Variants in SRPX observed in about 807,000 individuals in gnomAD.
SRPX encodes the protein sushi repeat containing protein X-linked, also known as sushi repeat-containing protein SRPX.
In SRPX, 24 loss-of-function variants were observed where a neutral mutation model predicts 38.1. The observed-to-expected ratio is 0.63, with a 90% CI of 0.46 to 0.89. The LOEUF is 0.89. SRPX is among the 40% of genes least tolerant of loss of function. The pLI is 0.00. For synonymous variants in SRPX, 184 were observed against 153.8 expected (o/e 1.20, Z -1.45); for missense variants, 416 against 377.8 (o/e 1.10, Z -0.84).
intron 4 of SRPX, among the ~76,000 whole-genome samples, chrX:38,171,006 G>T (rs1361978978): frequency 3.8e-5 from 4 of 104,547 alleles, no homozygotes; most frequent in Admixed American, 1.0e-4. Context: ...AAAATCCAAG[G>T]ATGCTGCTAA....
chrX:38,164,136 T>C (rs1464186975), intron 5 of SRPX, among the ~76,000 whole-genome samples: 3 of 79,545 alleles, frequency 3.8e-5, no homozygotes, highest in Non-Finnish European at 7.7e-5. Flanking sequence ...ATGGGGTACA[T>C]GAGATTTTTT....
intron 1 of SRPX, among the ~76,000 whole-genome samples, chrX:38,211,570 C>A (rs181432205): frequency 1.8e-5 from 2 of 110,857 alleles, no homozygotes; most frequent in Non-Finnish European, 1.9e-5. Flanking sequence ...TGTGGTGGTA[C>A]GCGCCTGTAA....
At chrX:38,165,449 T>C (rs892759151) in intron 4 of SRPX, among the ~76,000 whole-genome samples, 2 of 111,864 alleles carry the variant, frequency 1.8e-5, no homozygotes, top group Non-Finnish European at 3.8e-5. Flanking sequence ...ATTTGCCATG[T>C]ATTGGAGGGA....
intron 1 of SRPX, among the ~76,000 whole-genome samples, chrX:38,179,974 G>A (rs982079266): frequency 1.7e-4 from 19 of 110,798 alleles, no homozygotes; most frequent in African/African-American, 6.2e-4. Context: ...ATGAAAACCA[G>A]GAAACCTACC....
At chrX:38,199,299 G>A (rs35062663) in intron 1 of SRPX, among the ~76,000 whole-genome samples, 1 of 111,634 alleles carries the variant, frequency 9.0e-6, no homozygotes, top group Non-Finnish European at 1.9e-5. Flanking sequence ...CCAGCTACTC[G>A]GGAGGCTGAG....
At chrX:38,176,169 T>G (rs1038294397) in intron 2 of SRPX, among the ~76,000 whole-genome samples, 2 of 111,062 alleles carry the variant, frequency 1.8e-5, no homozygotes, top group Admixed American at 1.9e-4. Flanking sequence ...ATATCTAATA[T>G]TTTGGGGCTG....
At chrX:38,206,116 G>T (rs1370114414) in intron 1 of SRPX, among the ~76,000 whole-genome samples, 3 of 112,894 alleles carry the variant, frequency 2.7e-5, no homozygotes, top group African/African-American at 6.4e-5. Flanking sequence ...CCACTGGGAG[G>T]CCAGCTGCAT....
chrX:38,195,633 T>C (rs1358415843), intron 1 of SRPX, among the ~76,000 whole-genome samples: 1 of 111,362 alleles, frequency 9.0e-6, no homozygotes, highest in Non-Finnish European at 1.9e-5. Flanking sequence ...GATCTGGAAA[T>C]ACTCTTGGAA....
chrX:38,193,255 G>A (rs956819171), intron 1 of SRPX, among the ~76,000 whole-genome samples: 3 of 111,797 alleles, frequency 2.7e-5, no homozygotes, highest in Non-Finnish European at 5.6e-5. Flanking sequence ...GGGAGGGGGG[G>A]AAATGCAAAC....
rs186865935 is a variant in SRPX, at chrX:38,198,790, T to C, written c.98-20446A>G. Among the ~76,000 whole-genome samples, 84 of 111,411 alleles carry C rather than the reference T, an allele frequency of 7.5e-4. No individual in the cohort carries two copies. The East Asian group carries it at 0.01, about 14-fold the overall frequency. On this transcript the variant is annotated intron_variant, in intron 1 of 9. Coordinates refer to ENST00000378533, the MANE Select transcript of SRPX (RefSeq NM_006307.5). ...ATAATAAAGGACATTACTAACATAT[T>C]AAGTTCTGGGGCCCGAGCAACAATC...
At position 38,163,261 on chromosome X, in the gene SRPX, G is replaced by A. The variant is rs768455530; in HGVS notation, c.653+1508C>T. Among the ~76,000 whole-genome samples, 52 of 112,120 alleles carry A rather than the reference G, an allele frequency of 4.6e-4. 2 individuals carry two copies. The highest frequency in any genetic ancestry group is 4.3e-3 in the Admixed American group (45 of 10,555). Reference sequence around the variant, plus strand: ...CTGGGGGAAGATTATTGGAATGTAGGAACAAAATGTCCTGTCTCCTCTCAC... The same window carrying A: ...CTGGGGGAAGATTATTGGAATGTAGAAACAAAATGTCCTGTCTCCTCTCAC... On this transcript the variant is annotated intron_variant, in intron 5 of 9. Coordinates refer to ENST00000378533, the MANE Select transcript of SRPX (RefSeq NM_006307.5).
chrX:38,210,732 G>T (rs903710474), intron 1 of SRPX, among the ~76,000 whole-genome samples: 7 of 112,482 alleles, frequency 6.2e-5, no homozygotes, highest in African/African-American at 2.3e-4. Context: ...CCTTGAGAAT[G>T]AGACACCCAG....
At chrX:38,203,557 T>C (rs1421600967) in intron 1 of SRPX, among the ~76,000 whole-genome samples, 3 of 113,067 alleles carry the variant, frequency 2.7e-5, no homozygotes, top group African/African-American at 9.6e-5. Flanking sequence ...GGCGAGTGGA[T>C]CACCTGAGGT....
intron 5 of SRPX, 121 bp downstream of exon 5, chrX:38,164,648 T>C (rs1938329459): frequency 2.7e-6 from 2 of 747,573 alleles, no homozygotes; most frequent in Non-Finnish European, 3.8e-6. Flanking sequence ...TGTTAGGTAG[T>C]GACCAGGGGG....
At chrX:38,154,892 G>GACCA (rs1381525506) in intron 8 of SRPX, among the ~76,000 whole-genome samples, 1 of 111,278 alleles carries the variant, frequency 9.0e-6, no homozygotes, top group African/African-American at 3.3e-5. Context: ...AAGTATCCAA[G>GACCA]ACCACCCCAG....
chrX:38,155,210 T>C (rs747944152), intron 8 of SRPX, among the ~76,000 whole-genome samples: 61 of 111,838 alleles, frequency 5.5e-4, no homozygotes, highest in Non-Finnish European at 1.1e-3. Context: ...GACGAAAACA[T>C]CAAATATGTT....
chrX:38,157,009 C>T lies in SRPX; in HGVS notation c.976G>A (p.Val326Ile). 1 of 1,211,474 alleles carries T rather than the reference C, an allele frequency of 8.3e-7. No individual in the cohort carries two copies. The highest frequency in any genetic ancestry group is 1.1e-6 in the Non-Finnish European group (1 of 895,372). The change falls in exon 8 of 10, where the codon GTC becomes ATC. Residue 326 changes from valine (V) to isoleucine (I), a missense_variant. Transcript: ENST00000378533. ...TCAAMNVNVG[V>I]RTAAALLDQF... ...TCCAGAAGTGCAGCTGCCGTTCTGA[C>T]ACCCACATTGACGTTCATGGCTGTA... is the stretch of plus-strand genomic sequence containing the variant.
At chrX:38,172,538 G>A (rs1415927123) in intron 3 of SRPX, among the ~76,000 whole-genome samples, 2 of 113,145 alleles carry the variant, frequency 1.8e-5, no homozygotes. Context: ...ACACTGGCTT[G>A]GGTTGGCAAC....
In SRPX at chrX:38,174,412, C is replaced by A. The variant is rs941369104; in HGVS notation, c.158-61G>T. The A allele has an allele frequency of 4.3e-6, 4 of 919,917 alleles. No individual in the cohort carries two copies. The East Asian group carries it at 1.6e-4, about 36-fold the overall frequency. 75.8% of individuals were successfully genotyped at this position (919,917 alleles called of 1,213,427 possible). ...GAAATGACACTTTCAGAAAATGTGT[C>A]CCCTTACTCTTACTGTCCCAGGCTG... On this transcript the variant is annotated intron_variant, in intron 2 of 9. Coordinates refer to ENST00000378533, the MANE Select transcript of SRPX (RefSeq NM_006307.5).
Sources: allele counts gnomAD v4.1 joint callset (sites outside exome capture counted in the v4.1 genomes callset), GRCh38; gene constraint gnomAD v4.1.1; transcripts MANE v1.5; gene names NCBI Gene and HGNC (gene_info 2026-07-23, HGNC 2026-07-21).